SMG6: variants seen among roughly 807,000 people sequenced by gnomAD.
SMG6 encodes the protein telomerase-binding protein EST1A.
Under a neutral mutation model 142.2 loss-of-function variants are expected in SMG6, and 66 were observed. That is an observed-to-expected ratio of 0.46 (90% confidence interval 0.38 to 0.57). SMG6 has a LOEUF of 0.57. SMG6 is among the 20% of genes least tolerant of loss of function. SMG6 has a pLI of 0.00. For missense variants in SMG6, 1,793 were observed against 1,832.0 expected (o/e 0.98, Z 0.39); for synonymous variants, 779 against 702.4 (o/e 1.11, Z -1.72).
chr17:2,109,419 A>G (rs2069247247), intron 13 of SMG6, among the ~76,000 whole-genome samples: 1 of 152,040 alleles, frequency 6.6e-6, no homozygotes, highest in Non-Finnish European at 1.5e-5. Flanking sequence ...GCGTGCCACC[A>G]CGCCTGGTTA....
intron 8 of SMG6, among the ~76,000 whole-genome samples, chr17:2,262,541 T>C (rs1187477103): frequency 1.3e-5 from 2 of 152,208 alleles, no homozygotes; most frequent in Non-Finnish European, 1.5e-5. Context: ...TTTTTATCCA[T>C]GTTGTTCCTT....
At chr17:2,134,885 TA>T (rs1324063431) in intron 13 of SMG6, among the ~76,000 whole-genome samples, 2 of 67,384 alleles carry the variant, frequency 3.0e-5, no homozygotes, top group South Asian at 3.4e-4. Context: ...TATTTTAATT[TA>T]TTTTTTTTTT....
At chr17:2,134,144 C>A (rs2070213111) in intron 13 of SMG6, among the ~76,000 whole-genome samples, 1 of 152,014 alleles carries the variant, frequency 6.6e-6, no homozygotes, top group African/African-American at 2.4e-5. Flanking sequence ...AAGTCTTAAT[C>A]TTCTCAGCTG....
In SMG6 at chr17:2,183,556, T is replaced by C. The variant is rs374717976; in HGVS notation, c.3155+3107A>G. 2.3e-4 allele frequency among the ~76,000 whole-genome samples: 35 copies of C among 152,292 alleles called. No individual in the cohort carries two copies. In the South Asian group the frequency reaches 5.8e-3, roughly 25 times the overall value. On this transcript the variant is annotated intron_variant, in intron 12 of 18. Transcript: ENST00000263073. ...CTGCTCTGTAATGTGAAATCAGCCA[T>C]AGACACAGTGTAAACAAGTAAGCAT...
At chr17:2,287,594 A>C (rs2074935314) in intron 6 of SMG6, among the ~76,000 whole-genome samples, 2 of 152,186 alleles carry the variant, frequency 1.3e-5, no homozygotes, top group Admixed American at 1.3e-4. Context: ...TTTTATTTGA[A>C]CACCCATGTT....
At chr17:2,126,017 A>G (rs1258641644) in intron 13 of SMG6, among the ~76,000 whole-genome samples, 1 of 152,022 alleles carries the variant, frequency 6.6e-6, no homozygotes, top group East Asian at 1.9e-4. Flanking sequence ...TTAATCGTGA[A>G]AAAGAACAAA....
intron 10 of SMG6, among the ~76,000 whole-genome samples, chr17:2,191,414 C>G (rs2072158510): frequency 6.6e-6 from 1 of 152,116 alleles, no homozygotes; most frequent in African/African-American, 2.4e-5. Flanking sequence ...TAGTGTTGGG[C>G]TGGGCCAAGC....
At chr17:2,082,044 C>T in intron 14 of SMG6, 88 bp from the exon 15 acceptor site, 3 of 1,429,616 alleles carry the variant, frequency 2.1e-6, no homozygotes, top group Non-Finnish European at 2.9e-6. Flanking sequence ...CCTTGTGGCC[C>T]CTCACCCACG....
At chr17:2,102,747 C>A (rs1479870951) in intron 13 of SMG6, among the ~76,000 whole-genome samples, 1 of 152,056 alleles carries the variant, frequency 6.6e-6, no homozygotes, top group East Asian at 1.9e-4. Context: ...GAAAAACACA[C>A]ACCCATCTTT....
chr17:2,299,166 C>G lies in SMG6; in HGVS notation c.1587G>C (p.Gln529His). 6.2e-7 allele frequency: 1 copy of G among 1,612,898 alleles called. No individual in the cohort carries two copies. Among genetic ancestry groups the G allele is most frequent in the African/African-American group, 1.3e-5 (1 of 74,990 alleles). ...CACCATTCGTAGGGCCCACTGGGTA[C>G]TGTAGAGGGTTATAGCCCGTATAGG... is the stretch of plus-strand genomic sequence containing the variant. ...QYPYTGYNPL[Q>H]YPVGPTNGVY... Residue 529 changes from glutamine (Q) to histidine (H), a missense_variant, in exon 2 of 19, where the codon CAG (glutamine) becomes CAC (histidine). Gln to His is a conservative substitution (Grantham distance 24). Coordinates refer to ENST00000263073, the MANE Select transcript of SMG6 (RefSeq NM_017575.5). This position sits in a 1 kb window ranked among gnomAD's most constrained non-coding sequence, Gnocchi z 4.3.
Position 2,226,275 on chromosome 17 carries a change from C to CAA in SMG6, c.2869+10215_2869+10216dup, listed in dbSNP as rs112512894. Among the ~76,000 whole-genome samples, 289 of 143,768 alleles carry CAA rather than the reference C, an allele frequency of 2.0e-3. 2 individuals are homozygous for CAA. The highest frequency in any genetic ancestry group is 4.0e-3 in the African/African-American group (155 of 38,922). 94.3% of individuals were successfully genotyped at this position (143,768 alleles called of 152,430 possible). On this transcript the variant is annotated intron_variant, in intron 10 of 18. Coordinates refer to ENST00000263073, the MANE Select transcript of SMG6 (RefSeq NM_017575.5). ...AGGAAACAAGAGTGAAACTCCGTCTCAAAAAAAAAAGAAAAAAGAAAAAAA... is the reference window on the plus strand; with the variant it reads ...AGGAAACAAGAGTGAAACTCCGTCTCAAAAAAAAAAAAGAAAAAAGAAAAAAA...
At chr17:2,207,785 G>A (rs1445474194) in intron 10 of SMG6, among the ~76,000 whole-genome samples, 1 of 152,078 alleles carries the variant, frequency 6.6e-6, no homozygotes, top group Non-Finnish European at 1.5e-5. Context: ...CACTGGTAGC[G>A]AGAACAAAGC....
At chr17:2,234,355 A>T (rs1296555089) in intron 10 of SMG6, among the ~76,000 whole-genome samples, 1 of 151,346 alleles carries the variant, frequency 6.6e-6, no homozygotes, top group Non-Finnish European at 1.5e-5. Flanking sequence ...TCCACCTCCC[A>T]GGTTCAAGCA....
chr17:2,080,353 G>C (rs763453218), intron 15 of SMG6, among the ~76,000 whole-genome samples: 15 of 152,144 alleles, frequency 9.9e-5, no homozygotes, highest in Non-Finnish European at 1.9e-4. Context: ...GGGAGGTGGA[G>C]GTTGGAGTGA....
chr17:2,109,146 G>T (rs932541640), intron 13 of SMG6, among the ~76,000 whole-genome samples: 1 of 152,128 alleles, frequency 6.6e-6, no homozygotes, highest in South Asian at 2.1e-4. Flanking sequence ...AGGTTGTCCT[G>T]GCAAAATAGC....
chr17:2,287,544 G>C (rs368680232), intron 6 of SMG6, among the ~76,000 whole-genome samples: 2 of 152,082 alleles, frequency 1.3e-5, no homozygotes, highest in African/African-American at 4.8e-5. Context: ...CGTTTTCTGG[G>C]TATGTACCCA....
At chr17:2,066,356 A>G (rs2067948154) in intron 16 of SMG6, among the ~76,000 whole-genome samples, 2 of 137,022 alleles carry the variant, frequency 1.5e-5, no homozygotes, top group African/African-American at 2.9e-5. Flanking sequence ...ATGTGTGTAC[A>G]TGTGTGTATA....
At chr17:2,278,128 G>A (rs533249555) in intron 8 of SMG6, among the ~76,000 whole-genome samples, 79 of 152,184 alleles carry the variant, frequency 5.2e-4, no homozygotes, top group African/African-American at 1.9e-3. Flanking sequence ...CTTAGAAAAA[G>A]GTCTGGAAGG....
At chr17:2,265,826 G>A (rs1224352069) in intron 8 of SMG6, 2 of 237,772 alleles carry the variant, frequency 8.4e-6, no homozygotes, top group Non-Finnish European at 1.4e-5. Flanking sequence ...TTAATTTAGA[G>A]ATGCTGGTTA....
Sources: allele counts gnomAD v4.1 joint callset (sites outside exome capture counted in the v4.1 genomes callset), GRCh38; gene constraint gnomAD v4.1.1; non-coding constraint Gnocchi (gnomAD v3.1); transcripts MANE v1.5; gene names NCBI Gene and HGNC (gene_info 2026-07-23, HGNC 2026-07-21).